The following PDZRN4 variants were observed in gnomAD, a reference collection of about 807,000 sequenced individuals.
The protein encoded by PDZRN4 is PDZ domain containing ring finger 4, also known as PDZ domain-containing RING finger protein 4.
In PDZRN4, 70 loss-of-function variants were observed where a neutral mutation model predicts 99.0. That is an observed-to-expected ratio of 0.71 (90% CI 0.58 to 0.86). PDZRN4 has a LOEUF of 0.86. Among genes scored for constraint, PDZRN4 ranks in the 40% least tolerant of loss-of-function variants. The pLI is 0.00. For missense variants in PDZRN4, 1,474 were observed against 1,331.2 expected (o/e 1.11, Z -1.67); for synonymous variants, 551 against 501.6 (o/e 1.10, Z -1.32).
At chr12:41,504,727 C>T (rs531340945) in intron 3 of PDZRN4, among the ~76,000 whole-genome samples, 1 of 152,146 alleles carries the variant, frequency 6.6e-6, no homozygotes, top group African/African-American at 2.4e-5. Context: ...TCCTCATGTG[C>T]CCCAAGTCAG....
chr12:41,365,919 A>T (rs533357908), intron 3 of PDZRN4, among the ~76,000 whole-genome samples: 1 of 152,128 alleles, frequency 6.6e-6, no homozygotes, highest in Non-Finnish European at 1.5e-5. Flanking sequence ...TTCAAGCCTT[A>T]CAAGTGTGAA....
At chr12:41,436,280 A>C (rs1160845081) in intron 3 of PDZRN4, among the ~76,000 whole-genome samples, 1 of 152,186 alleles carries the variant, frequency 6.6e-6, no homozygotes, top group East Asian at 1.9e-4. Flanking sequence ...ATTACATCCC[A>C]AGGGAAACAA....
intron 5 of PDZRN4, among the ~76,000 whole-genome samples, 156 bp downstream of exon 5, chr12:41,510,069 C>T (rs1938280917): frequency 6.6e-6 from 1 of 152,042 alleles, no homozygotes; most frequent in South Asian, 2.1e-4. Flanking sequence ...AGCTATGTGG[C>T]TCTCGTGTTT....
intron 4 of PDZRN4, chr12:41,509,533 C>A (rs137928363): frequency 9.6e-6 from 2 of 208,880 alleles, no homozygotes; most frequent in Non-Finnish European, 1.9e-5. Flanking sequence ...TAAAGCACCA[C>A]GGACTGTCAG....
chr12:41,505,111 C>T (rs1938182220), intron 3 of PDZRN4, among the ~76,000 whole-genome samples: 1 of 152,130 alleles, frequency 6.6e-6, no homozygotes, highest in African/African-American at 2.4e-5. Context: ...CTTGTCTACT[C>T]AGGGAGAGAG....
chr12:41,293,209 G>A (rs1188285516), intron 3 of PDZRN4, among the ~76,000 whole-genome samples: 2 of 138,468 alleles, frequency 1.4e-5, no homozygotes, highest in Admixed American at 6.9e-5. Context: ...AATGCAAGGT[G>A]GGGCTCTATG....
chr12:41,402,142 C>CACTGAGTATATATATATAT (rs1952295517), intron 3 of PDZRN4, among the ~76,000 whole-genome samples: 1 of 5,262 alleles, frequency 1.9e-4, no homozygotes, highest in African/African-American at 8.4e-4. Flanking sequence ...TATATATATA[C>CACTGAGTATATATATATAT]ACACACTGAG....
chr12:41,188,848 G>C lies in PDZRN4; in HGVS notation c.393G>C (p.Gly131=). 3 of 1,262,712 alleles carry C rather than the reference G, an allele frequency of 2.4e-6. No homozygotes were observed. The highest frequency in any genetic ancestry group is 3.0e-6 in the Non-Finnish European group (3 of 1,005,084). The allele number at this position is 1,262,712 out of a possible 1,614,324, so 78.2% of individuals were successfully genotyped here. Residue 131 remains glycine (G), a synonymous_variant, in exon 1 of 10, where the codon GGG becomes GGC. Transcript: ENST00000402685. ...GLGGGEVPAR[G]GCGPTPRAGR... ...GCGGTGGTGAGGTGCCCGCGCGGGG[G>C]GGCTGCGGTCCGACACCCAGGGCTG...
chr12:41,514,437 G>T (rs959965290), intron 5 of PDZRN4, among the ~76,000 whole-genome samples: 7 of 151,998 alleles, frequency 4.6e-5, no homozygotes, highest in African/African-American at 1.7e-4. Context: ...AAAATAACAA[G>T]AGGATAATTA....
At chr12:41,318,892 A>G (rs1231908008) in intron 3 of PDZRN4, among the ~76,000 whole-genome samples, 1 of 152,166 alleles carries the variant, frequency 6.6e-6, no homozygotes, top group Non-Finnish European at 1.5e-5. Flanking sequence ...TTATCATTTA[A>G]TAATTTGGAA....
At chr12:41,394,874 T>C (rs968055756) in intron 3 of PDZRN4, among the ~76,000 whole-genome samples, 1 of 152,020 alleles carries the variant, frequency 6.6e-6, no homozygotes, top group Non-Finnish European at 1.5e-5. Context: ...GCCACAGTCT[T>C]TTTATAACCT....
intron 3 of PDZRN4, among the ~76,000 whole-genome samples, chr12:41,459,175 T>C (rs138135789): frequency 8.5e-5 from 13 of 152,298 alleles, no homozygotes; most frequent in Admixed American, 7.8e-4. Flanking sequence ...TCCAGGTTGA[T>C]AGGAAGGTGA....
intron 5 of PDZRN4, among the ~76,000 whole-genome samples, chr12:41,527,487 G>A (rs530848485): frequency 3.9e-4 from 60 of 152,196 alleles, no homozygotes; most frequent in African/African-American, 1.4e-3. Context: ...AATAAATGAG[G>A]GGCCAATTTT....
At chr12:41,218,517 G>A (rs1950935243) in intron 3 of PDZRN4, among the ~76,000 whole-genome samples, 1 of 151,908 alleles carries the variant, frequency 6.6e-6, no homozygotes, top group Non-Finnish European at 1.5e-5. Context: ...TTAATGTCTA[G>A]GAAAATGCTC....
intron 3 of PDZRN4, among the ~76,000 whole-genome samples, chr12:41,318,761 G>A (rs1204135939): frequency 1.3e-5 from 2 of 152,128 alleles, no homozygotes; most frequent in East Asian, 3.9e-4. Context: ...TAAGTGTAAT[G>A]TGAGTGGGGA....
intron 2 of PDZRN4, among the ~76,000 whole-genome samples, chr12:41,193,222 A>G (rs547124813): frequency 6.6e-6 from 1 of 152,150 alleles, no homozygotes; most frequent in Non-Finnish European, 1.5e-5. Flanking sequence ...ATTTTTATAG[A>G]TTCTATTTTG....
intron 3 of PDZRN4, among the ~76,000 whole-genome samples, chr12:41,260,249 A>G (rs1218193931): frequency 6.6e-6 from 1 of 152,116 alleles, no homozygotes. Context: ...GATAGGAACA[A>G]CAATACTTCA....
At chr12:41,339,199 A>G (rs1210184777) in intron 3 of PDZRN4, among the ~76,000 whole-genome samples, 1 of 152,118 alleles carries the variant, frequency 6.6e-6, no homozygotes, top group Non-Finnish European at 1.5e-5. Context: ...GGTAACCAAA[A>G]CAGCACAGCC....
rs756074084 is a variant in PDZRN4 at position 41,573,832 on chromosome 12, C to T, written c.3053C>T (p.Ala1018Val). 8 of 1,606,692 alleles carry T rather than the reference C, an allele frequency of 5.0e-6. No homozygotes were observed. The Admixed American group carries it at 1.4e-4, about 27-fold the overall frequency. ...ATCCAAGAACTGATGACCCATGGGG[C>T]CAAGTCTCCAGATGGCACGAGAGTC... ...MTIQELMTHG[A>V]KSPDGTRVHN... Residue 1018 changes from alanine to valine, a missense_variant, in exon 10 of 10, where the codon GCC becomes GTC. By Grantham distance (64) the Ala-to-Val change is moderately conservative. Coordinates refer to ENST00000402685, the MANE Select transcript of PDZRN4 (RefSeq NM_001164595.2).
Sources: gnomAD v4.1 joint callset for allele counts (sites outside exome capture counted in the v4.1 genomes callset) on GRCh38, gnomAD v4.1.1 for gene constraint, MANE v1.5 for transcripts, NCBI Gene and HGNC (gene_info 2026-07-23, HGNC 2026-07-21) for gene names.